Variants in NDNF observed in about 807,000 individuals in gnomAD.
NDNF encodes neuron derived neurotrophic factor, also known as protein NDNF.
In NDNF, 16 loss-of-function variants were observed where a neutral mutation model predicts 42.0. That is an observed-to-expected ratio of 0.38 (90% CI 0.26 to 0.58). The LOEUF (loss-of-function observed/expected upper bound fraction) is 0.58. NDNF is among the 20% of genes least tolerant of loss of function. The pLI is 0.67. For missense variants in NDNF, 616 were observed against 666.2 expected, an observed-to-expected ratio of 0.92 and a Z score of 0.83; for synonymous variants, 248 against 251.7, an observed-to-expected ratio of 0.99 and a Z score of 0.14.
chr4:121,059,038 C>T (rs1486862085), intron 1 of NDNF, among the ~76,000 whole-genome samples: 1 of 152,128 alleles, frequency 6.6e-6, no homozygotes, highest in Non-Finnish European at 1.5e-5. Context: ...TGGGCACAGG[C>T]TACTTCTTTT....
intron 1 of NDNF, among the ~76,000 whole-genome samples, chr4:121,058,421 T>C (rs1727340900): frequency 6.6e-6 from 1 of 152,124 alleles, no homozygotes; most frequent in African/African-American, 2.4e-5. Context: ...CAGGCTTGAA[T>C]TTGAATCTGG....
At chr4:121,052,883 A>T (rs1038863477) in intron 1 of NDNF, among the ~76,000 whole-genome samples, 1 of 152,224 alleles carries the variant, frequency 6.6e-6, no homozygotes, top group Admixed American at 6.5e-5. Context: ...AATACAGCAT[A>T]TTATGGGCTG....
At chr4:121,068,032 G>A (rs1188611730) in intron 1 of NDNF, among the ~76,000 whole-genome samples, 1 of 152,180 alleles carries the variant, frequency 6.6e-6, no homozygotes, top group Non-Finnish European at 1.5e-5. Context: ...CAAGCAAACA[G>A]ACTTACACTG....
intron 1 of NDNF, among the ~76,000 whole-genome samples, chr4:121,063,816 G>A (rs919300438): frequency 5.3e-5 from 8 of 152,092 alleles, no homozygotes; most frequent in African/African-American, 1.7e-4. Context: ...GAGAGATATG[G>A]GGATTATTTA....
intron 3 of NDNF, among the ~76,000 whole-genome samples, chr4:121,039,190 G>GCA (rs1726946189): frequency 1.5e-5 from 1 of 68,030 alleles, no homozygotes; most frequent in African/African-American, 7.8e-5. Flanking sequence ...GTGTGTGTGT[G>GCA]TGTATATATA....
intron 1 of NDNF, among the ~76,000 whole-genome samples, chr4:121,070,541 A>G (rs1727572925): frequency 6.6e-6 from 1 of 152,074 alleles, no homozygotes. Flanking sequence ...GTCAGAAAAG[A>G]AAAAGGGTTC....
At chr4:121,039,216 A>AC (rs1560603318) in intron 3 of NDNF, among the ~76,000 whole-genome samples, 11 of 55,512 alleles carry the variant, frequency 2.0e-4, no homozygotes, top group South Asian at 6.7e-4. Flanking sequence ...ATATATATAT[A>AC]TATATATATA....
At chr4:121,045,302 A>T (rs1028915993) in intron 2 of NDNF, among the ~76,000 whole-genome samples, 1 of 151,494 alleles carries the variant, frequency 6.6e-6, no homozygotes, top group African/African-American at 2.4e-5. Flanking sequence ...CAGTCAGCCG[A>T]GATTGTGCCA....
intron 1 of NDNF, among the ~76,000 whole-genome samples, chr4:121,055,442 T>C (rs1486720250): frequency 1.3e-5 from 2 of 152,086 alleles, no homozygotes; most frequent in African/African-American, 2.4e-5. Context: ...ACATTGATTA[T>C]AGGAACGTGC....
Position 121,039,935 on chromosome 4 carries a change from C to G in NDNF, c.308G>C (p.Gly103Ala), listed in dbSNP as rs780716248. 2.5e-6 allele frequency: 4 copies of G among 1,613,600 alleles called. No homozygotes were observed. The highest frequency in any genetic ancestry group is 2.5e-6 in the Non-Finnish European group (3 of 1,179,818). Residue 103 changes from glycine to alanine, a missense_variant, in exon 3 of 4, where the codon GGC becomes GCC. Coordinates refer to ENST00000379692, the MANE Select transcript of NDNF (RefSeq NM_024574.4). ...QELPEDRSGE[G>A]SGDLEPLEQQ... ...AGATCTATCCTGCTGCTTACCTGAG[C>G]CTTCCCCGCTCCTGTCCTCTGGCAG... is the stretch of plus-strand genomic sequence containing the variant.
intron 3 of NDNF, 52 bp downstream of exon 3, chr4:121,039,878 C>T: frequency 6.3e-7 from 1 of 1,583,856 alleles, no homozygotes; most frequent in Non-Finnish European, 8.6e-7. Flanking sequence ...GTTTCACAAG[C>T]ATTAAAACCA....
In NDNF at chr4:121,035,936, T is replaced by G. The variant is rs749815697; in HGVS notation, c.*328A>C. 9.8e-5 allele frequency: 20 copies of G among 203,802 alleles called. No individual in the cohort carries two copies. The highest frequency in any genetic ancestry group is 1.8e-4 in the Non-Finnish European group (18 of 101,124). The allele number at this position is 203,802 out of a possible 1,614,324, so 12.6% of individuals were successfully genotyped here. On this transcript the variant is annotated 3_prime_UTR_variant, in exon 4 of 4. Coordinates refer to ENST00000379692, the MANE Select transcript of NDNF (RefSeq NM_024574.4). ...TGCATTTGTGGGTGTGTGCAATGAA[T>G]GGCATATTTTAAATTTTTAGGTAAT...
rs769894776 is a variant in NDNF at position 121,037,085 on chromosome 4, T to A, written c.886A>T (p.Lys296Ter). Residue 296 changes from lysine (K) to a stop codon, truncating the protein, a stop_gained, in exon 4 of 4, where the codon AAG becomes TAG. Coordinates refer to ENST00000379692, the MANE Select transcript of NDNF (RefSeq NM_024574.4). LOFTEE classifies it high-confidence loss of function. ...VDIQKICIGN[K>*]NIFTVSDLKP... ...AGATCAGAGACGGTGAAGATGTTCT[T>A]GTTTCCTATGCAGATTTTCTGAATA... 6.2e-7 allele frequency: 1 copy of A among 1,613,906 alleles called. No homozygotes were observed. The highest frequency in any genetic ancestry group is 8.5e-7 in the Non-Finnish European group (1 of 1,179,996).
At chr4:121,045,609 T>C (rs1455323279) in intron 2 of NDNF, 41 bp downstream of exon 2, 1 of 1,559,484 alleles carries the variant, frequency 6.4e-7, no homozygotes, top group Admixed American at 1.7e-5. Flanking sequence ...GAGGCATCCT[T>C]TGTGAGCTTT....
rs760854927 is a variant in NDNF at position 121,036,658 on chromosome 4, C to T, written c.1313G>A (p.Arg438Lys). ...ASMLKILATT[R>K]PTKQSFPSLP... is the part of the protein sequence containing the mutation. The stretch of plus-strand genomic sequence containing the variant: ...AGAGGGAAATGACTGCTTAGTAGGC[C>T]TTGTGGTAGCTAGAATTTTCAACAT... Residue 438 changes from arginine (R) to lysine (K), a missense_variant, in exon 4 of 4, where the codon AGG becomes AAG. Arg to Lys is a conservative substitution (Grantham distance 26). Transcript: ENST00000379692. The T allele has an allele frequency of 4.3e-6, 7 of 1,614,110 alleles. No homozygotes were observed. Among genetic ancestry groups the T allele is most frequent in the Admixed American group, 1.7e-5 (1 of 60,000 alleles).
intron 1 of NDNF, among the ~76,000 whole-genome samples, chr4:121,064,260 G>A (rs1053114218): frequency 5.3e-5 from 8 of 152,168 alleles, no homozygotes; most frequent in African/African-American, 1.9e-4. Context: ...TTGCTGTGAG[G>A]GTTAAGGAAA....
intron 1 of NDNF, among the ~76,000 whole-genome samples, chr4:121,067,269 A>G (rs1727514644): frequency 6.6e-6 from 1 of 152,232 alleles, no homozygotes; most frequent in Non-Finnish European, 1.5e-5. Context: ...GATAAATTAT[A>G]CATTTATACT....
In NDNF at chr4:121,037,609, T is replaced by C. The variant is rs751640973; in HGVS notation, c.362A>G (p.Glu121Gly). Residue 121 changes from glutamate to glycine, a missense_variant, in exon 4 of 4, where the codon GAA becomes GGA. Glu to Gly is a moderately conservative substitution (Grantham distance 98). Coordinates refer to ENST00000379692, the MANE Select transcript of NDNF (RefSeq NM_024574.4). The part of the protein sequence containing the change: ...EQQKQQIINE[E>G]GTELFSYKGN... The stretch of plus-strand genomic sequence containing the variant: ...TTTGTAGGAGAATAACTCAGTGCCT[T>C]CCTCATTAATGATCTGCTGCTTCTG... 1 of 1,604,564 alleles carries C rather than the reference T, an allele frequency of 6.2e-7. No individual in the cohort carries two copies. The highest frequency in any genetic ancestry group is 1.3e-5 in the African/African-American group (1 of 75,002).
intron 1 of NDNF, among the ~76,000 whole-genome samples, chr4:121,052,072 A>C (rs1444466758): frequency 6.6e-6 from 1 of 152,226 alleles, no homozygotes; most frequent in African/African-American, 2.4e-5. Flanking sequence ...CCTACCTGTG[A>C]TAATATGATC....
Sources: allele counts gnomAD v4.1 joint callset (sites outside exome capture counted in the v4.1 genomes callset), GRCh38; gene constraint gnomAD v4.1.1; transcripts MANE v1.5; gene names NCBI Gene and HGNC (gene_info 2026-07-23, HGNC 2026-07-21).